SHPRH: variants seen among roughly 807,000 people sequenced by gnomAD.
SHPRH encodes E3 ubiquitin-protein ligase SHPRH.
SHPRH carries 106 observed loss-of-function variants against 202.5 expected under a neutral mutation model. The ratio of observed to expected loss-of-function variants is 0.52; its 90% CI spans 0.45 to 0.62. The LOEUF (loss-of-function observed/expected upper bound fraction) is 0.62, where lower values mean the gene tolerates loss of function less well. SHPRH is among the 20% of genes least tolerant of loss of function. The pLI is 0.00. For synonymous variants in SHPRH, 729 were observed against 686.0 expected (o/e 1.06, Z -0.98); for missense variants, 1,710 against 2,020.0 (o/e 0.85, Z 2.94).
chr6:145,916,716 A>C (rs1463164833), intron 23 of SHPRH, among the ~76,000 whole-genome samples: 1 of 152,162 alleles, frequency 6.6e-6, no homozygotes, highest in Non-Finnish European at 1.5e-5. Flanking sequence ...TATTTTGACT[A>C]TCATATTTAA....
At chr6:145,963,445 A>C (rs1351512691) in intron 1 of SHPRH, among the ~76,000 whole-genome samples, 1 of 152,350 alleles carries the variant, frequency 6.6e-6, no homozygotes, top group African/African-American at 2.4e-5. Flanking sequence ...AAAGGGCACA[A>C]GCTTCCTGGT....
chr6:145,927,226 T>G lies in SHPRH; in HGVS notation c.3164A>C (p.Glu1055Ala), dbSNP rs1383504663. ...ELYREVLRSS[E>A]EHKGKLKTDS... ...AGTTTTGAGTTTTCCTTTGTGTTCC[T>G]CCGAGGAGCGCAACACTTCTCTGTA... The change falls in exon 15 of 30, where the codon GAG (glutamate) becomes GCG (alanine). Residue 1055 changes from glutamate (E) to alanine (A), a missense_variant. Glu to Ala is a moderately radical substitution (Grantham distance 107). Coordinates refer to ENST00000275233, the MANE Select transcript of SHPRH (RefSeq NM_001042683.3). 6.2e-7 allele frequency: 1 copy of G among 1,612,142 alleles called. No individual in the cohort carries two copies. The highest frequency in any genetic ancestry group is 8.5e-7 in the Non-Finnish European group (1 of 1,178,912).
intron 2 of SHPRH, among the ~76,000 whole-genome samples, chr6:145,875,954 T>A (rs1364677817): frequency 2.0e-5 from 3 of 152,242 alleles, no homozygotes; most frequent in African/African-American, 7.2e-5. Context: ...CAAATGATAT[T>A]TTTTAAAATA....
intron 24 of SHPRH, 75 bp downstream of exon 24, chr6:145,913,403 G>C: frequency 7.3e-7 from 1 of 1,375,816 alleles, no homozygotes. Context: ...AAAAACGAGA[G>C]AAAGATTTTA....
chr6:145,945,320 T>C (rs1196706004), intron 8 of SHPRH, 61 bp downstream of exon 8: 1 of 1,512,302 alleles, frequency 6.6e-7, no homozygotes, highest in African/African-American at 1.4e-5. Context: ...GATCTGTCAA[T>C]GTACTCAGTA....
intron 2 of SHPRH, 69 bp downstream of exon 2, chr6:145,954,621 C>T (rs994014179): frequency 7.4e-6 from 11 of 1,483,496 alleles, no homozygotes; most frequent in Non-Finnish European, 9.0e-6. Context: ...ACTTCTCTCA[C>T]AAGTTAATTT....
intron 1 of SHPRH, among the ~76,000 whole-genome samples, chr6:145,960,073 T>C (rs1011057523): frequency 6.6e-6 from 1 of 152,196 alleles, no homozygotes; most frequent in Non-Finnish European, 1.5e-5. Context: ...TAGCAATCAT[T>C]TATTCTCATA....
rs1356528557 is a variant in SHPRH, at chr6:145,901,642, G to C, written c.4516-6665C>G. 2.6e-5 allele frequency among the ~76,000 whole-genome samples: 4 copies of C among 152,068 alleles called. No individual in the cohort carries two copies. In the East Asian group the frequency reaches 7.7e-4, roughly 29 times the overall value. ...AGTAAACAGATGCAAAGTTAAGCTG[G>C]AATGTTATGCATTAGGGAAGACTGT... On this transcript the variant is annotated intron_variant, in intron 25 of 29. Transcript: ENST00000275233.
intron 14 of SHPRH, among the ~76,000 whole-genome samples, chr6:145,927,768 T>C (rs1785018524): frequency 1.3e-5 from 2 of 151,968 alleles, no homozygotes; most frequent in East Asian, 1.9e-4. Context: ...TTGGTAGCTA[T>C]TATTGTTCTT....
intron 14 of SHPRH, among the ~76,000 whole-genome samples, chr6:145,928,049 C>CA (rs548113241): frequency 8.1e-4 from 123 of 151,522 alleles, no homozygotes; most frequent in Non-Finnish European, 1.5e-3. Context: ...GAAAAAAATT[C>CA]AAAAAAAATA....
intron 16 of SHPRH, among the ~76,000 whole-genome samples, chr6:145,925,369 CAT>C (rs1491045418): frequency 3.8e-4 from 57 of 149,054 alleles, no homozygotes; most frequent in Admixed American, 6.8e-4. Flanking sequence ...CACACACACA[CAT>C]GCATGCAATA....
intron 25 of SHPRH, among the ~76,000 whole-genome samples, chr6:145,898,445 A>T (rs1782201251): frequency 7.2e-6 from 1 of 138,728 alleles, no homozygotes; most frequent in Non-Finnish European, 1.6e-5. Flanking sequence ...AATTCTGATG[A>T]CATTTTTCAC....
At chr6:145,903,444 C>T (rs533304231) in intron 25 of SHPRH, 1 of 151,294 alleles carries the variant, frequency 6.6e-6, no homozygotes, top group African/African-American at 2.4e-5. Context: ...TTTTTCTCTA[C>T]AAAAAGGCTG....
At chr6:145,896,422 C>T (rs1782014603) in intron 25 of SHPRH, among the ~76,000 whole-genome samples, 1 of 151,942 alleles carries the variant, frequency 6.6e-6, no homozygotes. Flanking sequence ...TGAATCCTTC[C>T]ACTGATTAAT....
chr6:145,859,545 C>G (rs899658008), downstream of SHPRH, among the ~76,000 whole-genome samples: 1 of 151,928 alleles, frequency 6.6e-6, no homozygotes, highest in Non-Finnish European at 1.5e-5. Flanking sequence ...TGTTAGAATG[C>G]ATCAATTTCA....
At chr6:145,870,499 T>C (rs1780010850) in intron 2 of SHPRH, among the ~76,000 whole-genome samples, 1 of 152,258 alleles carries the variant, frequency 6.6e-6, no homozygotes, top group Admixed American at 6.5e-5. Flanking sequence ...CCTGACCTTG[T>C]GATCCACCCG....
At chr6:145,896,430 A>G (rs1487481523) in intron 25 of SHPRH, among the ~76,000 whole-genome samples, 2 of 152,076 alleles carry the variant, frequency 1.3e-5, no homozygotes, top group African/African-American at 4.8e-5. Context: ...TCCACTGATT[A>G]ATACGTTTCT....
chr6:145,946,539 A>C (rs760611380), intron 6 of SHPRH, among the ~76,000 whole-genome samples, 198 bp from the exon 7 acceptor site: 8 of 152,052 alleles, frequency 5.3e-5, no homozygotes, highest in Non-Finnish European at 1.2e-4. Context: ...AAAATTGTGC[A>C]TATTATCTTA....
rs562820855 is a variant in SHPRH, at chr6:145,957,572, T to C, written c.-32-2218A>G. On this transcript the variant is annotated intron_variant, in intron 1 of 29. Transcript: ENST00000275233. ...TAGACATTTCACCAAAGATGACCTATAAGTGTAAAATAAGCATATGAAAAT... is the reference window on the plus strand; with the variant it reads ...TAGACATTTCACCAAAGATGACCTACAAGTGTAAAATAAGCATATGAAAAT... Among the ~76,000 whole-genome samples, 57 of 152,250 alleles carry C rather than the reference T, an allele frequency of 3.7e-4. No individual in the cohort carries two copies. In the South Asian group the frequency reaches 0.012, roughly 31 times the overall value.
Sources: allele counts gnomAD v4.1 joint callset (sites outside exome capture counted in the v4.1 genomes callset), GRCh38; gene constraint gnomAD v4.1.1; transcripts MANE v1.5; gene names NCBI Gene and HGNC (gene_info 2026-07-23, HGNC 2026-07-21).